The following KLHL24 variants were observed in gnomAD, a reference collection of about 807,000 sequenced individuals.
The protein encoded by KLHL24 is kelch like family member 24, also known as kelch-like protein 24.
KLHL24 carries 29 observed loss-of-function variants against 53.4 expected under a neutral mutation model. The ratio of observed to expected loss-of-function variants is 0.54; its 90% CI spans 0.40 to 0.74. The LOEUF is 0.74. Ranked by LOEUF, KLHL24 falls within the 30% of genes least tolerant of loss-of-function variation. KLHL24 has a pLI of 0.00. For synonymous variants in KLHL24, 222 were observed against 253.7 expected, an observed-to-expected ratio of 0.88 and a Z score of 1.19; for missense variants, 504 against 744.0, an observed-to-expected ratio of 0.68 and a Z score of 3.75.
At chr3:183,678,952 G>T (rs1712375544) in intron 7 of KLHL24, 134 bp from the exon 8 acceptor site, 1 of 670,670 alleles carries the variant, frequency 1.5e-6, no homozygotes, top group Non-Finnish European at 2.6e-6. Context: ...GAGCAGAGTT[G>T]GGCCAAAGGA....
rs1190998074 is a variant in KLHL24 at position 183,684,060 on chromosome 3, T to C, written c.*4774T>C. On this transcript the variant is annotated 3_prime_UTR_variant, in exon 8 of 8. Coordinates refer to ENST00000242810, the MANE Select transcript of KLHL24 (RefSeq NM_017644.3). ...AACCCGTGTAAATTCATTTGCAGTA[T>C]CTACATCGAATGTCAAAAAAGTATA... is the stretch of plus-strand genomic sequence containing the variant. The C allele has an allele frequency of 6.6e-6, 1 of 152,636 alleles. No homozygotes were observed. The highest frequency in any genetic ancestry group is 1.9e-4 in the East Asian group (1 of 5,202). The allele number at this position is 152,636 out of a possible 1,614,324, so 9.5% of individuals were successfully genotyped here. A position where few individuals can be genotyped will look rare whatever the true frequency, so the allele number is the denominator to read the frequency against.
rs748276491 is a variant in KLHL24, at chr3:183,651,241, G to A, written c.885G>A (p.Gly295=). ...AAGCAAGACGGTACCACATACTTGG[G>A]AATGAAATGATGTCCCCAAGGACTA... ...LHEARRYHIL[G]NEMMSPRTRP... The change falls in exon 3 of 8, where the codon GGG becomes GGA. Residue 295 remains glycine, a synonymous_variant. Transcript: ENST00000242810. 13 of 1,614,066 alleles carry A rather than the reference G, an allele frequency of 8.1e-6. No homozygotes were observed. Among genetic ancestry groups the A allele is most frequent in the Non-Finnish European group, 9.3e-6 (11 of 1,179,968 alleles).
In KLHL24 at chr3:183,681,871, C is replaced by T. The variant is rs1712710936; in HGVS notation, c.*2585C>T. On this transcript the variant is annotated 3_prime_UTR_variant, in exon 8 of 8. Coordinates refer to ENST00000242810, the MANE Select transcript of KLHL24 (RefSeq NM_017644.3). Reference sequence around the variant, plus strand: ...GATTTTTCTTTTGATAGGTGATGCTCATATGAACCTTTGGTTTAGAATCTA... The same window carrying T: ...GATTTTTCTTTTGATAGGTGATGCTTATATGAACCTTTGGTTTAGAATCTA... 1 of 152,020 alleles carries T rather than the reference C, an allele frequency of 6.6e-6. No individual in the cohort carries two copies. Among genetic ancestry groups the T allele is most frequent in the African/African-American group, 2.4e-5 (1 of 41,026 alleles). 9.4% of individuals were successfully genotyped at this position (152,020 alleles called of 1,614,324 possible). A position where few individuals can be genotyped will look rare whatever the true frequency, so the allele number is the denominator to read the frequency against.
In KLHL24 at chr3:183,675,820, C is replaced by T. The variant is rs867383670; in HGVS notation, c.1603-3266C>T. On this transcript the variant is annotated intron_variant, in intron 7 of 7. Coordinates refer to ENST00000242810, the MANE Select transcript of KLHL24 (RefSeq NM_017644.3). ...AAAAGAAAAAGAATTACCATTTATT[C>T]GGAACTTTGCTATATTGTATAAAAC... 1.2e-4 allele frequency among the ~76,000 whole-genome samples: 18 copies of T among 151,758 alleles called. No homozygotes were observed. In the South Asian group the frequency reaches 1.3e-3, roughly 11 times the overall value.
intron 1 of KLHL24, among the ~76,000 whole-genome samples, chr3:183,639,848 CCAAACAAA>C (rs59730186): frequency 0.016 from 2,385 of 150,410 alleles, 66 homozygotes; most frequent in African/African-American, 0.053. Flanking sequence ...CCACTAAAAA[CCAAACAAA>C]CAAACAAACC....
intron 3 of KLHL24, among the ~76,000 whole-genome samples, chr3:183,662,601 C>T (rs1047578962): frequency 2.0e-5 from 3 of 151,994 alleles, no homozygotes; most frequent in African/African-American, 7.2e-5. Context: ...TTGGTTATTC[C>T]TGTCTCTATT....
rs1000430434 is a variant in KLHL24 at position 183,672,603 on chromosome 3, G to A, written c.1602+119G>A. ...TTTCAGGCTGGGCGTGGTGGCTCACGCCTGTAATCCCAGCACTTTGGGAGG... is the reference window on the plus strand; with the variant it reads ...TTTCAGGCTGGGCGTGGTGGCTCACACCTGTAATCCCAGCACTTTGGGAGG... On this transcript the variant is annotated intron_variant, in intron 7 of 7. Transcript: ENST00000242810. The A allele has an allele frequency of 4.0e-5, 28 of 697,374 alleles. No individual in the cohort carries two copies. The East Asian group carries it at 7.6e-4, about 19-fold the overall frequency. 43.2% of individuals were successfully genotyped at this position (697,374 alleles called of 1,614,324 possible).
intron 3 of KLHL24, among the ~76,000 whole-genome samples, chr3:183,660,062 T>C (rs1299852179): frequency 6.6e-6 from 1 of 151,860 alleles, no homozygotes; most frequent in Non-Finnish European, 1.5e-5. Flanking sequence ...AAGCAAAAAA[T>C]GCTAATTAAC....
intron 1 of KLHL24, among the ~76,000 whole-genome samples, 183 bp downstream of exon 1, chr3:183,635,976 C>G (rs1401163761): frequency 6.6e-6 from 1 of 152,128 alleles, no homozygotes; most frequent in Non-Finnish European, 1.5e-5. Context: ...CCTGGGGGGT[C>G]TTCCTCCCCC....
intron 1 of KLHL24, among the ~76,000 whole-genome samples, chr3:183,640,571 C>T (rs1405425816): frequency 6.7e-6 from 1 of 149,792 alleles, no homozygotes; most frequent in Non-Finnish European, 1.5e-5. Flanking sequence ...GTTTCTGTTA[C>T]CTTTTCTTTT....
Position 183,651,093 on chromosome 3 carries a change from C to T in KLHL24, c.737C>T (p.Pro246Leu), listed in dbSNP as rs1718052267. 2 of 1,614,052 alleles carry T rather than the reference C, an allele frequency of 1.2e-6. No homozygotes were observed. The highest frequency in any genetic ancestry group is 1.3e-5 in the African/African-American group (1 of 74,910). Residue 246 changes from proline (P) to leucine (L), a missense_variant, in exon 3 of 8, where the codon CCA becomes CTA. Coordinates refer to ENST00000242810, the MANE Select transcript of KLHL24 (RefSeq NM_017644.3). The part of the protein sequence containing the change: ...WVYRAVDLRR[P>L]LLHELLTHVR... ...TATCGTGCCGTTGATCTGAGAAGAC[C>T]ACTGTTACACGAGCTCCTGACACAT...
chr3:183,672,426 A>G lies in KLHL24; in HGVS notation c.1544A>G (p.Tyr515Cys), dbSNP rs1721450957. Residue 515 changes from tyrosine (Y) to cysteine (C), a missense_variant, in exon 7 of 8, where the codon TAC becomes TGC. By Grantham distance (194) the Tyr-to-Cys change is radical. Transcript: ENST00000242810. ...GCCGGTGGACTGACCAAGGCAATAT[A>G]CTGTTACGATCCAGTTGAAGATTAC... ...YVAGGLTKAIYCYDPVEDYWM... is the reference protein window; with the variant it reads ...YVAGGLTKAICCYDPVEDYWM... 6.8e-6 allele frequency: 11 copies of G among 1,613,836 alleles called. No homozygotes were observed. Among genetic ancestry groups the G allele is most frequent in the Non-Finnish European group, 8.5e-6 (10 of 1,179,858 alleles).
In KLHL24 at chr3:183,650,563, C is replaced by G; in HGVS notation, c.207C>G (p.Ile69Met). 4 of 1,613,972 alleles carry G rather than the reference C, an allele frequency of 2.5e-6. No homozygotes were observed. Among genetic ancestry groups the G allele is most frequent in the Non-Finnish European group, 3.4e-6 (4 of 1,179,876 alleles). ...ATAGCCGCTTATTCACAGATGTTAT[C>G]ATTTGTGTGGAAGGAAAAGAATTTC... is the stretch of plus-strand genomic sequence containing the variant. The part of the protein sequence containing the change: ...FRDSRLFTDV[I>M]ICVEGKEFPC... Residue 69 changes from isoleucine to methionine, a missense_variant, in exon 3 of 8, where the codon ATC becomes ATG. Ile to Met is a conservative substitution (Grantham distance 10). Coordinates refer to ENST00000242810, the MANE Select transcript of KLHL24 (RefSeq NM_017644.3). This position sits in a 1 kb window ranked among gnomAD's most constrained non-coding sequence, Gnocchi z 4.5.
At chr3:183,640,689 T>C (rs1716278279) in intron 1 of KLHL24, among the ~76,000 whole-genome samples, 1 of 150,140 alleles carries the variant, frequency 6.7e-6, no homozygotes, top group Admixed American at 6.7e-5. Flanking sequence ...AACCTCCGCC[T>C]CCTGGGTTCA....
At chr3:183,648,868 G>GGGTA (rs1486233086) in intron 2 of KLHL24, among the ~76,000 whole-genome samples, 1 of 151,982 alleles carries the variant, frequency 6.6e-6, no homozygotes, top group African/African-American at 2.4e-5. Flanking sequence ...CGGGTGTGGT[G>GGGTA]GGTACGTGCC....
chr3:183,639,651 AAATC>A (rs1311531540), intron 1 of KLHL24, among the ~76,000 whole-genome samples: 1 of 78,950 alleles, frequency 1.3e-5, no homozygotes, highest in African/African-American at 5.8e-5. Flanking sequence ...AAAAAAAAAA[AAATC>A]TCAAATTTGT....
At chr3:183,647,868 C>T (rs13058832) in intron 2 of KLHL24, among the ~76,000 whole-genome samples, 50,869 of 151,694 alleles carry the variant, frequency 0.34, 9,372 homozygotes, top group African/African-American at 0.49. Context: ...TAGCCAGGCG[C>T]GGTGGCATGC....
chr3:183,678,713 C>A (rs988364253), intron 7 of KLHL24, among the ~76,000 whole-genome samples: 1 of 152,134 alleles, frequency 6.6e-6, no homozygotes, highest in African/African-American at 2.4e-5. Flanking sequence ...TTGTTCCCCT[C>A]TATGTGTCCC....
chr3:183,659,042 G>A (rs2108825372), intron 3 of KLHL24, among the ~76,000 whole-genome samples: 1 of 152,224 alleles, frequency 6.6e-6, no homozygotes, highest in Non-Finnish European at 1.5e-5. Flanking sequence ...CTGGGCTCAA[G>A]TGATCCTCCC....
Sources: gnomAD v4.1 joint callset for allele counts (sites outside exome capture counted in the v4.1 genomes callset) on GRCh38, gnomAD v4.1.1 for gene constraint, Gnocchi (gnomAD v3.1) non-coding constraint, MANE v1.5 for transcripts, NCBI Gene and HGNC (gene_info 2026-07-23, HGNC 2026-07-21) for gene names.